The following ACBD6 variants were observed in gnomAD, a reference collection of about 807,000 sequenced individuals.
ACBD6 encodes acyl-CoA binding domain containing 6, also known as acyl-CoA-binding domain-containing protein 6.
ACBD6 carries 28 observed loss-of-function variants against 37.2 expected under a neutral mutation model. The observed-to-expected ratio is 0.75, with a 90% CI of 0.56 to 1.03. The LOEUF is 1.03. ACBD6 is among the 50% of genes least tolerant of loss of function. ACBD6 has a pLI of 0.00. For missense variants in ACBD6, 340 were observed against 337.4 expected (o/e 1.01, Z -0.06); for synonymous variants, 113 against 126.8 (o/e 0.89, Z 0.73).
At chr1:180,328,922 A>T (rs1651367105) in intron 6 of ACBD6, among the ~76,000 whole-genome samples, 1 of 152,198 alleles carries the variant, frequency 6.6e-6, no homozygotes, top group Non-Finnish European at 1.5e-5. Context: ...ATGTAGATAC[A>T]GTAACATCTT....
downstream of ACBD6, among the ~76,000 whole-genome samples, chr1:180,283,997 G>A (rs1329125726): frequency 6.6e-6 from 1 of 152,074 alleles, no homozygotes; most frequent in African/African-American, 2.4e-5. Context: ...AATAAGCCGT[G>A]AATTCCCAAT....
chr1:180,317,369 G>A (rs1281731531), intron 6 of ACBD6, among the ~76,000 whole-genome samples: 1 of 152,174 alleles, frequency 6.6e-6, no homozygotes, highest in Non-Finnish European at 1.5e-5. Context: ...GGGAGTTCTT[G>A]TCTAATGGGT....
intron 4 of ACBD6, among the ~76,000 whole-genome samples, chr1:180,427,044 C>T (rs1051533039): frequency 6.6e-6 from 1 of 152,218 alleles, no homozygotes. Flanking sequence ...GAACCTCTGA[C>T]ATTATATTGA....
At chr1:180,354,513 T>C (rs571760050) in intron 6 of ACBD6, among the ~76,000 whole-genome samples, 1 of 152,290 alleles carries the variant, frequency 6.6e-6, no homozygotes, top group Admixed American at 6.5e-5. Flanking sequence ...ATTTTTACTG[T>C]ACACATTAGT....
intron 6 of ACBD6, among the ~76,000 whole-genome samples, chr1:180,335,410 T>G (rs1040767161): frequency 6.6e-6 from 1 of 152,086 alleles, no homozygotes; most frequent in Non-Finnish European, 1.5e-5. Context: ...CCAGCCAAAC[T>G]AAGCTTCATA....
chr1:180,470,574 C>G (rs986893297), intron 3 of ACBD6, among the ~76,000 whole-genome samples: 2 of 152,188 alleles, frequency 1.3e-5, no homozygotes, highest in African/African-American at 4.8e-5. Context: ...ATCTGCAAAA[C>G]AGCACATACT....
chr1:180,361,989 A>G (rs895580388), intron 6 of ACBD6, among the ~76,000 whole-genome samples: 6 of 152,190 alleles, frequency 3.9e-5, no homozygotes, highest in African/African-American at 1.4e-4. Context: ...GAACTTTTAA[A>G]AAATGAGAAT....
At chr1:180,494,485 CA>C (rs938901746) in intron 2 of ACBD6, among the ~76,000 whole-genome samples, 1 of 151,066 alleles carries the variant, frequency 6.6e-6, no homozygotes, top group African/African-American at 2.4e-5. Context: ...CTGTCCTATA[CA>C]AAAAAAAATC....
chr1:180,322,793 A>G (rs1301863008), intron 6 of ACBD6, among the ~76,000 whole-genome samples: 1 of 151,026 alleles, frequency 6.6e-6, no homozygotes, highest in Non-Finnish European at 1.5e-5. Context: ...TGTCTTTTCA[A>G]AACACCAAGT....
At chr1:180,493,305 T>C (rs1651598992) in intron 2 of ACBD6, among the ~76,000 whole-genome samples, 1 of 131,402 alleles carries the variant, frequency 7.6e-6, no homozygotes, top group Non-Finnish European at 1.6e-5. Context: ...AGAATACTAA[T>C]GAGTAAGTTA....
chr1:180,423,925 G>A (rs184335370), intron 4 of ACBD6, among the ~76,000 whole-genome samples: 2 of 152,006 alleles, frequency 1.3e-5, no homozygotes, highest in Non-Finnish European at 2.9e-5. Flanking sequence ...TAAGATAATC[G>A]ATCCAAAGGA....
At chr1:180,483,656 T>C (rs566734731) in intron 3 of ACBD6, among the ~76,000 whole-genome samples, 1 of 152,162 alleles carries the variant, frequency 6.6e-6, no homozygotes. Flanking sequence ...TATAAAATGG[T>C]AATCTATTAC....
At chr1:180,489,063 G>T (rs1024381347) in intron 3 of ACBD6, among the ~76,000 whole-genome samples, 3 of 152,130 alleles carry the variant, frequency 2.0e-5, no homozygotes, top group Non-Finnish European at 2.9e-5. Context: ...CTATTCAGGA[G>T]GCTGAGGCAG....
chr1:180,314,606 G>T, intron 7 of ACBD6, 86 bp downstream of exon 7: 2 of 1,103,310 alleles, frequency 1.8e-6, no homozygotes, highest in Non-Finnish European at 2.7e-6. Context: ...ACCTATCTAA[G>T]CACTATATAG....
chr1:180,501,774 T>G (rs1378547850), intron 1 of ACBD6, among the ~76,000 whole-genome samples: 1 of 151,996 alleles, frequency 6.6e-6, no homozygotes, highest in Non-Finnish European at 1.5e-5. Context: ...GCTGGTAAAA[T>G]GCAAGATCAC....
At chr1:180,274,663 G>C in exon 10 of ACBD6, 1 of 1,414,716 alleles carries the variant, frequency 7.1e-7, no homozygotes, top group Non-Finnish European at 9.5e-7. Context: ...TTTAAGGATC[G>C]AAAGTACGCC....
At chr1:180,334,034 G>A (rs969425298) in intron 6 of ACBD6, among the ~76,000 whole-genome samples, 11 of 152,328 alleles carry the variant, frequency 7.2e-5, no homozygotes, top group Non-Finnish European at 1.3e-4. Flanking sequence ...CAACTGGGTG[G>A]AGCCCACCGC....
chr1:180,435,782 A>C (rs1649012995), intron 3 of ACBD6: 1 of 885,022 alleles, frequency 1.1e-6, no homozygotes, highest in Non-Finnish European at 1.9e-6. Context: ...TGACTCTGAC[A>C]GCTGCTTCTC....
chr1:180,445,264 T>C (rs950945662), intron 3 of ACBD6, among the ~76,000 whole-genome samples: 21 of 152,296 alleles, frequency 1.4e-4, no homozygotes, highest in African/African-American at 4.8e-4. Context: ...TGTTGTGATG[T>C]GGGGACTTAA....
Sources: gnomAD v4.1 joint callset for allele counts (sites outside exome capture counted in the v4.1 genomes callset) on GRCh38, gnomAD v4.1.1 for gene constraint, MANE v1.5 for transcripts, NCBI Gene and HGNC (gene_info 2026-07-23, HGNC 2026-07-21) for gene names.